Variants in ROBO1 observed in about 807,000 individuals in gnomAD.
The protein encoded by ROBO1 is roundabout guidance receptor 1.
A neutral mutation model predicts 195.9 loss-of-function variants in ROBO1; 149 were observed. That is an observed-to-expected ratio of 0.76 (90% CI 0.67 to 0.87). The LOEUF is 0.87. ROBO1 is among the 40% of genes least tolerant of loss of function. The pLI, the probability that ROBO1 is intolerant of heterozygous loss-of-function variation, is 0.00. For synonymous variants in ROBO1, 816 were observed against 733.2 expected, an observed-to-expected ratio of 1.11 and a Z score of -1.82; for missense variants, 1,933 against 2,068.3, an observed-to-expected ratio of 0.93 and a Z score of 1.27.
intron 3 of ROBO1, among the ~76,000 whole-genome samples, chr3:79,010,228 TA>T (rs2077740745): frequency 1.3e-5 from 2 of 152,134 alleles, no homozygotes; most frequent in South Asian, 4.1e-4. Flanking sequence ...TCATTATCTT[TA>T]AGGGAATAGT....
At chr3:79,309,245 A>T (rs2033368886) in intron 2 of ROBO1, among the ~76,000 whole-genome samples, 1 of 152,188 alleles carries the variant, frequency 6.6e-6, no homozygotes, top group Admixed American at 6.5e-5. Context: ...TCTGAGTTAT[A>T]TTGTACACAT....
intron 2 of ROBO1, among the ~76,000 whole-genome samples, chr3:79,162,784 T>C (rs2080994258): frequency 6.6e-6 from 1 of 152,124 alleles, no homozygotes; most frequent in Non-Finnish European, 1.5e-5. Context: ...CAGGTGTACA[T>C]TCTTAGCAGC....
chr3:79,379,252 G>A (rs763589851), intron 2 of ROBO1, among the ~76,000 whole-genome samples: 3 of 152,178 alleles, frequency 2.0e-5, no homozygotes, highest in South Asian at 2.1e-4. Flanking sequence ...ATGCTCTCTC[G>A]ATGAAATAAC....
At chr3:79,019,518 C>A in intron 3 of ROBO1, 1 of 986,060 alleles carries the variant, frequency 1.0e-6, no homozygotes. Context: ...TCCTCCCCGG[C>A]CCGATAATAC....
intron 2 of ROBO1, among the ~76,000 whole-genome samples, chr3:79,440,293 C>G (rs548403922): frequency 1.3e-5 from 2 of 152,142 alleles, no homozygotes; most frequent in Non-Finnish European, 2.9e-5. Flanking sequence ...TATCTCACCA[C>G]CCCTATCCCT....
intron 2 of ROBO1, among the ~76,000 whole-genome samples, chr3:79,262,852 T>C (rs1374778134): frequency 6.6e-6 from 1 of 151,900 alleles, no homozygotes; most frequent in Non-Finnish European, 1.5e-5. Flanking sequence ...ATTTATTTTA[T>C]TTTAAAAAGT....
chr3:79,750,417 G>T (rs555020110), intron 1 of ROBO1, among the ~76,000 whole-genome samples: 1 of 152,172 alleles, frequency 6.6e-6, no homozygotes, highest in African/African-American at 2.4e-5. Context: ...TGTTAGGAAG[G>T]CATGATTGGT....
At chr3:78,670,051 CAA>C (rs756402322) in intron 11 of ROBO1, 43 bp downstream of exon 11, 1 of 1,488,738 alleles carries the variant, frequency 6.7e-7, no homozygotes, top group South Asian at 1.3e-5. Context: ...GAGGCAGAAA[CAA>C]AGTGAAACAA....
chr3:78,853,170 T>C (rs2034180006), intron 4 of ROBO1, among the ~76,000 whole-genome samples: 1 of 151,310 alleles, frequency 6.6e-6, no homozygotes, highest in African/African-American at 2.4e-5. Context: ...GTTATATAAG[T>C]GGTTTGAAGA....
At chr3:79,669,345 T>C (rs559931041) in intron 1 of ROBO1, among the ~76,000 whole-genome samples, 4 of 152,006 alleles carry the variant, frequency 2.6e-5, no homozygotes, top group Non-Finnish European at 4.4e-5. Flanking sequence ...TTAAACCTCT[T>C]TGTCTTCCCA....
chr3:79,749,902 A>T (rs1345582625), intron 1 of ROBO1, among the ~76,000 whole-genome samples: 8 of 152,202 alleles, frequency 5.3e-5, no homozygotes, highest in Admixed American at 1.3e-4. Flanking sequence ...CAGAGTCCCT[A>T]CTGGTGCACC....
At chr3:79,011,486 C>T (rs1331655477) in intron 3 of ROBO1, among the ~76,000 whole-genome samples, 1 of 151,952 alleles carries the variant, frequency 6.6e-6, no homozygotes, top group Admixed American at 6.6e-5. Context: ...CATTTGTGAC[C>T]TGATTCATTC....
chr3:79,538,961 C>G (rs539882246), intron 2 of ROBO1, among the ~76,000 whole-genome samples: 115 of 152,116 alleles, frequency 7.6e-4, no homozygotes, highest in Non-Finnish European at 9.1e-4. Context: ...ATAGCAGAGG[C>G]TAGAGTTTGT....
intron 2 of ROBO1, among the ~76,000 whole-genome samples, chr3:79,492,382 G>A (rs899896698): frequency 8.2e-5 from 11 of 134,894 alleles, no homozygotes; most frequent in Non-Finnish European, 1.1e-4. Context: ...CTGAGATAGC[G>A]CCATTGCACT....
At chr3:78,673,826 C>T (rs1370703576) in intron 10 of ROBO1, among the ~76,000 whole-genome samples, 1 of 151,234 alleles carries the variant, frequency 6.6e-6, no homozygotes, top group Non-Finnish European at 1.5e-5. Flanking sequence ...GATTAGTTCA[C>T]GTACAAAAAG....
At chr3:78,717,244 A>T (rs1421360242) in intron 7 of ROBO1, 31 bp downstream of exon 7, 1 of 1,521,948 alleles carries the variant, frequency 6.6e-7, no homozygotes, top group Non-Finnish European at 8.8e-7. Flanking sequence ...TGCTGAGTTG[A>T]CAAATCATAT....
intron 4 of ROBO1, among the ~76,000 whole-genome samples, chr3:78,845,464 T>C (rs2033597590): frequency 6.6e-6 from 1 of 152,158 alleles, no homozygotes. Flanking sequence ...ATATTTCTCT[T>C]GTATTTTATA....
At chr3:79,277,098 G>A (rs966622611) in intron 2 of ROBO1, among the ~76,000 whole-genome samples, 10 of 151,930 alleles carry the variant, frequency 6.6e-5, no homozygotes, top group Non-Finnish European at 2.9e-5. Flanking sequence ...ATCATATGAT[G>A]CAGCAATCTC....
intron 2 of ROBO1, among the ~76,000 whole-genome samples, chr3:79,402,447 A>G (rs1427886408): frequency 1.3e-5 from 2 of 151,992 alleles, no homozygotes; most frequent in Non-Finnish European, 2.9e-5. Flanking sequence ...TAAATAACGC[A>G]GGCAAGTATA....
Sources: allele counts gnomAD v4.1 joint callset (sites outside exome capture counted in the v4.1 genomes callset), GRCh38; gene constraint gnomAD v4.1.1; transcripts MANE v1.5; gene names NCBI Gene and HGNC (gene_info 2026-07-23, HGNC 2026-07-21).